Variants in CASR observed in about 807,000 individuals in gnomAD.
CASR encodes extracellular calcium-sensing receptor.
In CASR, 23 loss-of-function variants were observed where a neutral mutation model predicts 69.1. The ratio of observed to expected loss-of-function variants is 0.33; its 90% CI spans 0.24 to 0.47. The LOEUF is 0.47. Among genes scored for constraint, CASR ranks in the 20% least tolerant of loss-of-function variants. The pLI is 1.00. For missense variants in CASR, 924 were observed against 1,356.1 expected (o/e 0.68, Z 5.00); for synonymous variants, 541 against 544.7 (o/e 0.99, Z 0.10).
rs2107650807 is a variant in CASR, at chr3:122,284,557, C to A, written c.2603C>A (p.Thr868Asn). The change falls in exon 7 of 7, where the codon ACC becomes AAC. Residue 868 changes from threonine (T) to asparagine (N), a missense_variant. Thr to Asn is a moderately conservative substitution (Grantham distance 65, BLOSUM62 0). Around this residue, in one of 8 missense-constraint regions of CASR, gnomAD observed 42 missense variants for 73.2 expected, o/e 0.57. Coordinates refer to ENST00000639785, the MANE Select transcript of CASR (RefSeq NM_000388.4). ...YIILFKPSRN[T>N]IEEVRCSTAA... ...ATTCTCTTCAAGCCATCCCGCAACA[C>A]CATCGAGGAGGTGCGTTGCAGCACC... 2.5e-6 allele frequency: 4 copies of A among 1,614,118 alleles called. No homozygotes were observed. The highest frequency in any genetic ancestry group is 3.4e-6 in the Non-Finnish European group (4 of 1,180,048).
Position 122,268,551 on chromosome 3 carries a change from G to A in CASR, c.1377+6139G>A, listed in dbSNP as rs112536454. The stretch of plus-strand genomic sequence containing the variant: ...TGTTCAACAATTGTCCTGACACCTC[G>A]GTCCTTACACAAAGAGAAAGTATAG... On this transcript the variant is annotated intron_variant, in intron 4 of 6. Coordinates refer to ENST00000639785, the MANE Select transcript of CASR (RefSeq NM_000388.4). Among the ~76,000 whole-genome samples, 316 of 152,254 alleles carry A rather than the reference G, an allele frequency of 2.1e-3. 2 individuals are homozygous for A. The highest frequency in any genetic ancestry group is 3.4e-3 in the Non-Finnish European group (233 of 68,020).
chr3:122,213,844 C>T (rs1317067184), intron 1 of CASR, among the ~76,000 whole-genome samples: 1 of 152,206 alleles, frequency 6.6e-6, no homozygotes, highest in Non-Finnish European at 1.5e-5. Context: ...CATACTGGCT[C>T]CTGACTATTG....
chr3:122,239,834 CAG>C (rs1166079619), intron 1 of CASR, among the ~76,000 whole-genome samples: 1 of 152,068 alleles, frequency 6.6e-6, no homozygotes, highest in Non-Finnish European at 1.5e-5. Context: ...AATACACAGT[CAG>C]AGGAGACAAA....
chr3:122,241,811 C>A (rs956768190), intron 1 of CASR, among the ~76,000 whole-genome samples: 2 of 152,058 alleles, frequency 1.3e-5, no homozygotes, highest in East Asian at 3.8e-4. Context: ...TTCAACAATA[C>A]ATTAAAAATA....
Position 122,269,160 on chromosome 3 carries a change from T to A in CASR, c.1378-6652T>A, listed in dbSNP as rs570877305. On this transcript the variant is annotated intron_variant, in intron 4 of 6. Transcript: ENST00000639785. Reference sequence around the variant, plus strand: ...AAAATTATTTTGGCCTTTTTATTTGTTTGCTTGTTTTTGTTTATTTCAGTT... The same window carrying A: ...AAAATTATTTTGGCCTTTTTATTTGATTGCTTGTTTTTGTTTATTTCAGTT... Among the ~76,000 whole-genome samples the A allele has an allele frequency of 2.6e-5, 4 of 152,302 alleles. No homozygotes were observed. The East Asian group carries it at 7.7e-4, about 29-fold the overall frequency.
At chr3:122,252,952 T>G (rs2074513944) in intron 1 of CASR, among the ~76,000 whole-genome samples, 1 of 152,164 alleles carries the variant, frequency 6.6e-6, no homozygotes, top group Non-Finnish European at 1.5e-5. Flanking sequence ...TGAGATAGGG[T>G]GCGGAGTGAG....
At chr3:122,210,436 C>T (rs1273663930) in intron 1 of CASR, among the ~76,000 whole-genome samples, 1 of 152,094 alleles carries the variant, frequency 6.6e-6, no homozygotes, top group Non-Finnish European at 1.5e-5. Context: ...CATTTCTATA[C>T]ACCGGCAATA....
intron 1 of CASR, among the ~76,000 whole-genome samples, chr3:122,206,840 A>G (rs1307140373): frequency 2.0e-5 from 3 of 151,992 alleles, no homozygotes; most frequent in African/African-American, 7.2e-5. Flanking sequence ...CATTTCTTCT[A>G]GATTTTCCAG....
chr3:122,207,890 T>C (rs1435038569), intron 1 of CASR, among the ~76,000 whole-genome samples: 3 of 152,160 alleles, frequency 2.0e-5, no homozygotes, highest in African/African-American at 7.2e-5. Context: ...AACTCTGTTG[T>C]TTCCCTGTTG....
chr3:122,214,474 C>T (rs1283078937), intron 1 of CASR, among the ~76,000 whole-genome samples: 1 of 152,112 alleles, frequency 6.6e-6, no homozygotes, highest in East Asian at 1.9e-4. Context: ...GAAGGGATGA[C>T]ATTGTTGTTC....
rs1418098496 is a variant in CASR at position 122,270,599 on chromosome 3, T to C, written c.1378-5213T>C. Among the ~76,000 whole-genome samples the C allele has an allele frequency of 2.0e-5, 3 of 152,226 alleles. No individual in the cohort carries two copies. In the East Asian group the frequency reaches 5.8e-4, roughly 29 times the overall value. On this transcript the variant is annotated intron_variant, in intron 4 of 6. Transcript: ENST00000639785. Reference sequence around the variant, plus strand: ...CTTATTTGGAAACTGAAGTCATTGATTTAAAAACCTTTCTTTTCTTATAAT... The same window carrying C: ...CTTATTTGGAAACTGAAGTCATTGACTTAAAAACCTTTCTTTTCTTATAAT...
rs2074983015 is a variant in CASR at position 122,287,765 on chromosome 3, T to TC, written c.*2577dup. 6.6e-6 allele frequency: 1 copy of TC among 152,252 alleles called. No homozygotes were observed. The highest frequency in any genetic ancestry group is 6.5e-5 in the Admixed American group (1 of 15,286). The allele number at this position is 152,252 out of a possible 1,614,324, so 9.4% of individuals were successfully genotyped here. ...ATGCCTCACTGTCCTAACCAGTCGGTCCCTGTGGGGCCTGCTAGCTCTTGC... is the reference window on the plus strand; with the variant it reads ...ATGCCTCACTGTCCTAACCAGTCGGTCCCCTGTGGGGCCTGCTAGCTCTTGC... On this transcript the variant is annotated 3_prime_UTR_variant, in exon 7 of 7. Transcript: ENST00000639785.
intron 3 of CASR, among the ~76,000 whole-genome samples, chr3:122,261,196 A>G (rs530006601): frequency 6.6e-6 from 1 of 152,380 alleles, no homozygotes; most frequent in Non-Finnish European, 1.5e-5. Context: ...GAAACGGTGC[A>G]TAAAGACTCT....
intron 3 of CASR, among the ~76,000 whole-genome samples, chr3:122,260,642 A>G (rs2074608947): frequency 6.6e-6 from 1 of 152,180 alleles, no homozygotes; most frequent in South Asian, 2.1e-4. Context: ...ATACATATGT[A>G]ACAAACCTGC....
intron 3 of CASR, among the ~76,000 whole-genome samples, chr3:122,260,777 A>C (rs1359162598): frequency 6.6e-6 from 1 of 152,116 alleles, no homozygotes; most frequent in Non-Finnish European, 1.5e-5. Context: ...ATGATATTTA[A>C]TTACATACGT....
rs104893689 is a variant in CASR, at chr3:122,261,589, G to A, written c.554G>A (p.Arg185Gln). ...SNKNQFKSFL[R>Q]TIPNDEHQAT... ...AAGAATCAATTCAAGTCTTTCCTCCGAACCATCCCCAATGATGAGCACCAG... is the reference window on the plus strand; with the variant it reads ...AAGAATCAATTCAAGTCTTTCCTCCAAACCATCCCCAATGATGAGCACCAG... Residue 185 changes from arginine (R) to glutamine (Q), a missense_variant, in exon 4 of 7, where the codon CGA (arginine) becomes CAA (glutamine). Around this residue, in one of 8 missense-constraint regions of CASR, gnomAD observed 141 missense variants for 283.0 expected, o/e 0.50. Coordinates refer to ENST00000639785, the MANE Select transcript of CASR (RefSeq NM_000388.4). 6.2e-7 allele frequency: 1 copy of A among 1,614,106 alleles called. No individual in the cohort carries two copies. The highest frequency in any genetic ancestry group is 8.5e-7 in the Non-Finnish European group (1 of 1,180,020).
chr3:122,219,571 T>C (rs559504111), intron 1 of CASR, among the ~76,000 whole-genome samples: 25 of 152,286 alleles, frequency 1.6e-4, no homozygotes, highest in Non-Finnish European at 3.1e-4. Context: ...AGGAATCTGT[T>C]GAGCTGGGTT....
At chr3:122,232,939 A>G (rs1372038754) in intron 1 of CASR, among the ~76,000 whole-genome samples, 2 of 152,172 alleles carry the variant, frequency 1.3e-5, no homozygotes, top group Non-Finnish European at 1.5e-5. Flanking sequence ...ACCATGATAA[A>G]GACAAAAATA....
chr3:122,234,280 T>C (rs1352151952), intron 1 of CASR, among the ~76,000 whole-genome samples: 1 of 152,172 alleles, frequency 6.6e-6, no homozygotes, highest in African/African-American at 2.4e-5. Flanking sequence ...AAAGCAACCA[T>C]AGATATAATG....
Sources: allele counts gnomAD v4.1 joint callset (sites outside exome capture counted in the v4.1 genomes callset), GRCh38; gene constraint gnomAD v4.1.1; regional missense constraint gnomAD v4.1.1; transcripts MANE v1.5; gene names NCBI Gene and HGNC (gene_info 2026-07-23, HGNC 2026-07-21).